Variants in BANK1 observed in about 807,000 individuals in gnomAD.
BANK1 encodes B cell scaffold protein with ankyrin repeats 1, also known as B-cell scaffold protein with ankyrin repeats.
In BANK1, 95 loss-of-function variants were observed where a neutral mutation model predicts 94.5. The ratio of observed to expected loss-of-function variants is 1.00; its 90% CI spans 0.85 to 1.19. The LOEUF (loss-of-function observed/expected upper bound fraction) is 1.19. Ranked by LOEUF, BANK1 falls within the 50% of genes most tolerant of loss-of-function variation. The pLI, the probability that BANK1 is intolerant of heterozygous loss-of-function variation, is 0.00. For missense variants in BANK1, 987 were observed against 932.2 expected, an observed-to-expected ratio of 1.06 and a Z score of -0.77; for synonymous variants, 334 against 308.4, an observed-to-expected ratio of 1.08 and a Z score of -0.87.
intron 7 of BANK1, among the ~76,000 whole-genome samples, chr4:101,952,610 C>T (rs1724203759): frequency 6.6e-6 from 1 of 151,966 alleles, no homozygotes; most frequent in Non-Finnish European, 1.5e-5. Context: ...TTGTAGACTC[C>T]AAGAAGACAG....
At chr4:101,972,991 A>T (rs564397210) in intron 7 of BANK1, among the ~76,000 whole-genome samples, 1 of 152,144 alleles carries the variant, frequency 6.6e-6, no homozygotes, top group East Asian at 1.9e-4. Context: ...GTTGGGGAAA[A>T]GGGCAGCTGA....
At chr4:102,032,016 G>T (rs1416429679) in intron 10 of BANK1, among the ~76,000 whole-genome samples, 2 of 152,162 alleles carry the variant, frequency 1.3e-5, no homozygotes, top group African/African-American at 2.4e-5. Context: ...CAGTTGTCTA[G>T]ATTATAGATT....
chr4:101,834,175 A>G (rs1726735725), intron 2 of BANK1, among the ~76,000 whole-genome samples: 1 of 152,152 alleles, frequency 6.6e-6, no homozygotes, highest in African/African-American at 2.4e-5. Context: ...TTAGGTGGAT[A>G]TGAAAGTGGT....
At chr4:101,951,174 A>G (rs1724137115) in intron 7 of BANK1, among the ~76,000 whole-genome samples, 1 of 152,162 alleles carries the variant, frequency 6.6e-6, no homozygotes, top group Non-Finnish European at 1.5e-5. Context: ...TAAGATGCTA[A>G]TAATGGGGGA....
Position 101,855,061 on chromosome 4 carries a change from A to G in BANK1, c.496A>G (p.Ile166Val), listed in dbSNP as rs1727628160. 3.1e-6 allele frequency: 5 copies of G among 1,612,818 alleles called. No homozygotes were observed. Among genetic ancestry groups the G allele is most frequent in the Non-Finnish European group, 3.4e-6 (4 of 1,178,964 alleles). The change falls in exon 3 of 17, where the codon ATT (isoleucine) becomes GTT (valine). Residue 166 changes from isoleucine to valine, a missense_variant. By Grantham distance (29) the Ile-to-Val change is conservative (BLOSUM62 3). Coordinates refer to ENST00000322953, the MANE Select transcript of BANK1 (RefSeq NM_017935.5). ...KDSEDYFEVN[I>V]PTDLRAKHSG... ...TTCTGAAGACTACTTTGAGGTCAAC[A>G]TTCCAACAGACCTACGAGCAAAACA...
intron 11 of BANK1, among the ~76,000 whole-genome samples, chr4:102,045,648 T>A (rs1188185702): frequency 6.6e-6 from 1 of 151,484 alleles, no homozygotes; most frequent in African/African-American, 2.4e-5. Flanking sequence ...TACACCAACA[T>A]CAGACAAACA....
intron 5 of BANK1, among the ~76,000 whole-genome samples, chr4:101,886,764 G>GT (rs923637447): frequency 7.5e-6 from 1 of 134,188 alleles, no homozygotes; most frequent in Admixed American, 7.3e-5. Context: ...AATATATTGG[G>GT]GGGGGGGGCA....
At position 102,049,845 on chromosome 4, in the gene BANK1, G is replaced by C. The variant is rs1031592137; in HGVS notation, c.1969+5938G>C. Among the ~76,000 whole-genome samples, 5 of 152,180 alleles carry C rather than the reference G, an allele frequency of 3.3e-5. No individual in the cohort carries two copies. The East Asian group carries it at 5.8e-4, about 18-fold the overall frequency. The stretch of plus-strand genomic sequence containing the variant: ...TGTGCACTAAGAGGCAAAATGGTAG[G>C]GTTTAACTGGTATGTGACTTTTCTC... On this transcript the variant is annotated intron_variant, in intron 11 of 16. Transcript: ENST00000322953.
intron 1 of BANK1, among the ~76,000 whole-genome samples, chr4:101,801,630 A>G (rs1468145511): frequency 2.0e-5 from 3 of 152,222 alleles, no homozygotes; most frequent in African/African-American, 7.2e-5. Flanking sequence ...CTACTATTTT[A>G]ATTAGCATTT....
At chr4:101,911,389 A>G (rs769306202) in intron 6 of BANK1, among the ~76,000 whole-genome samples, 17 of 152,188 alleles carry the variant, frequency 1.1e-4, no homozygotes, top group Non-Finnish European at 4.4e-5. Flanking sequence ...AAATAACCTC[A>G]GATACTCTTT....
intron 7 of BANK1, among the ~76,000 whole-genome samples, chr4:101,939,189 A>G (rs899652320): frequency 2.0e-5 from 3 of 151,720 alleles, no homozygotes; most frequent in Admixed American, 6.6e-5. Flanking sequence ...TTTAAATTAG[A>G]TGTTTTAAAG....
chr4:101,825,452 T>C (rs971161447), intron 1 of BANK1, among the ~76,000 whole-genome samples: 32 of 152,218 alleles, frequency 2.1e-4, no homozygotes, highest in Non-Finnish European at 2.9e-4. Context: ...AACCATGGCT[T>C]ATTAAAAGAG....
intron 7 of BANK1, among the ~76,000 whole-genome samples, chr4:101,929,913 C>A (rs2148904939): frequency 6.6e-6 from 1 of 151,406 alleles, no homozygotes; most frequent in East Asian, 2.0e-4. Context: ...ATTTGTTACA[C>A]CATGCTCAAT....
chr4:101,854,954 T>G, intron 2 of BANK1, 81 bp from the exon 3 acceptor site: 1 of 1,072,310 alleles, frequency 9.3e-7, no homozygotes. Context: ...ATTGGTTGTT[T>G]AGCAATTAGT....
intron 1 of BANK1, among the ~76,000 whole-genome samples, chr4:101,805,549 A>C (rs1725521622): frequency 6.6e-6 from 1 of 151,546 alleles, no homozygotes; most frequent in Non-Finnish European, 1.5e-5. Context: ...CCACATGAAC[A>C]GCCTCAGATA....
At chr4:101,937,531 C>T (rs1320797341) in intron 7 of BANK1, among the ~76,000 whole-genome samples, 1 of 152,030 alleles carries the variant, frequency 6.6e-6, no homozygotes, top group East Asian at 2.0e-4. Context: ...AAGTCAAAAC[C>T]ACAATGAGAT....
chr4:102,046,147 C>A (rs1344791093), intron 11 of BANK1, among the ~76,000 whole-genome samples: 1 of 151,510 alleles, frequency 6.6e-6, no homozygotes, highest in Non-Finnish European at 1.5e-5. Flanking sequence ...CGCATATCTA[C>A]AACTATCTGA....
chr4:101,941,947 C>T (rs1418504823), intron 7 of BANK1, among the ~76,000 whole-genome samples: 1 of 151,800 alleles, frequency 6.6e-6, no homozygotes, highest in African/African-American at 2.4e-5. Flanking sequence ...AACTCCTCAA[C>T]CATGAAAATA....
rs1173938822 is a variant in BANK1, at chr4:102,072,331, G to A, written c.2243-14G>A. The A allele has an allele frequency of 6.4e-7, 1 of 1,555,176 alleles. No individual in the cohort carries two copies. Among genetic ancestry groups the A allele is most frequent in the African/African-American group, 1.4e-5 (1 of 73,482 alleles). ...GAATGAATAAAGAGGTAATAACTGA[G>A]TTTGTATTTCTAGGTAAGGAAACTG... is the stretch of plus-strand genomic sequence containing the variant. On this transcript the variant is annotated splice_polypyrimidine_tract_variant and intron_variant, in intron 14 of 16. Transcript: ENST00000322953.
Sources: gnomAD v4.1 joint callset for allele counts (sites outside exome capture counted in the v4.1 genomes callset) on GRCh38, gnomAD v4.1.1 for gene constraint, MANE v1.5 for transcripts, NCBI Gene and HGNC (gene_info 2026-07-23, HGNC 2026-07-21) for gene names.